NSMCE1: variants seen among roughly 807,000 people sequenced by gnomAD.
NSMCE1 encodes non-structural maintenance of chromosomes element 1 homolog.
Under a neutral mutation model 29.6 loss-of-function variants are expected in NSMCE1, and 18 were observed. The ratio of observed to expected loss-of-function variants is 0.61; its 90% CI spans 0.42 to 0.90. The LOEUF is 0.90. NSMCE1 is among the 40% of genes least tolerant of loss of function. The probability of loss-of-function intolerance (pLI) is 0.00; values close to 1 mark genes in which losing one functional copy is unlikely to be tolerated. For synonymous variants in NSMCE1, 124 were observed against 133.4 expected, an observed-to-expected ratio of 0.93 and a Z score of 0.49; for missense variants, 314 against 343.6, an observed-to-expected ratio of 0.91 and a Z score of 0.68.
At chr16:27,225,316 C>T (rs1596665666) in intron 7 of NSMCE1, 80 bp from the exon 8 acceptor site, 2 of 832,528 alleles carry the variant, frequency 2.4e-6, no homozygotes, top group African/African-American at 1.7e-5. Flanking sequence ...CCAGCAGCTA[C>T]GTCTCCTGTG....
chr16:27,239,325 C>G (rs1448459624), intron 2 of NSMCE1, among the ~76,000 whole-genome samples: 2 of 152,338 alleles, frequency 1.3e-5, no homozygotes, highest in East Asian at 3.9e-4. Flanking sequence ...CCCCTGGTCT[C>G]TCCCCTGATC....
chr16:27,236,154 G>C (rs1241117951), intron 2 of NSMCE1, among the ~76,000 whole-genome samples: 1 of 152,188 alleles, frequency 6.6e-6, no homozygotes, highest in Non-Finnish European at 1.5e-5. Context: ...CAGCTGAGGA[G>C]GACAGAGAGG....
At chr16:27,245,810 G>A (rs371749603) in intron 2 of NSMCE1, among the ~76,000 whole-genome samples, 3 of 152,194 alleles carry the variant, frequency 2.0e-5, no homozygotes, top group African/African-American at 7.2e-5. Context: ...GGCTCTGACA[G>A]TGGTATGCTG....
intron 5 of NSMCE1, among the ~76,000 whole-genome samples, chr16:27,229,090 G>A (rs551670010): frequency 9.2e-5 from 14 of 152,236 alleles, no homozygotes; most frequent in South Asian, 6.2e-4. Flanking sequence ...CCTAATACGC[G>A]TATCTCCCGG....
chr16:27,234,067 G>A, intron 4 of NSMCE1, 121 bp downstream of exon 4: 2 of 708,722 alleles, frequency 2.8e-6, no homozygotes, highest in South Asian at 1.6e-5. Context: ...TTCTCAGACA[G>A]CAATGGTGGC....
At chr16:27,242,705 A>C (rs2083907852) in intron 2 of NSMCE1, among the ~76,000 whole-genome samples, 1 of 152,184 alleles carries the variant, frequency 6.6e-6, no homozygotes, top group Admixed American at 6.5e-5. Flanking sequence ...GAGAAACATA[A>C]ACTACTATAT....
Position 27,264,454 on chromosome 16 carries a change from A to G in NSMCE1, c.-12+4252T>C, listed in dbSNP as rs116513103. On this transcript the variant is annotated intron_variant, in intron 1 of 7. Transcript: ENST00000361439. ...GTGGTAATGGTACAGAGATAGACAA[A>G]TAAGACCAATCAATGGAACAGAACA... is the stretch of plus-strand genomic sequence containing the variant. 3.6e-3 allele frequency among the ~76,000 whole-genome samples: 544 copies of G among 152,326 alleles called. 3 individuals carry two copies. The highest frequency in any genetic ancestry group is 0.012 in the African/African-American group (511 of 41,570).
intron 5 of NSMCE1, among the ~76,000 whole-genome samples, chr16:27,228,409 G>A (rs1181617854): frequency 6.6e-6 from 1 of 151,974 alleles, no homozygotes. Flanking sequence ...GGCTGTCCTC[G>A]GTCCTCAGTC....
intron 2 of NSMCE1, among the ~76,000 whole-genome samples, chr16:27,235,581 C>T (rs746437390): frequency 1.3e-5 from 2 of 152,170 alleles, no homozygotes; most frequent in Non-Finnish European, 2.9e-5. Flanking sequence ...TGTCTTTGCT[C>T]GCTGCCTCCT....
chr16:27,246,489 T>C (rs74815164), intron 2 of NSMCE1, among the ~76,000 whole-genome samples: 3,247 of 152,160 alleles, frequency 0.021, 114 homozygotes, highest in African/African-American at 0.073. Flanking sequence ...AAAAATGGGA[T>C]GAAGAGTGGG....
intron 1 of NSMCE1, among the ~76,000 whole-genome samples, chr16:27,265,443 C>A (rs921557137): frequency 1.3e-5 from 2 of 152,126 alleles, no homozygotes; most frequent in Non-Finnish European, 2.9e-5. Flanking sequence ...GCTGGGATTA[C>A]AGGTGTGAGC....
intron 2 of NSMCE1, among the ~76,000 whole-genome samples, chr16:27,244,234 C>T (rs1230142556): frequency 1.3e-5 from 2 of 152,260 alleles, no homozygotes; most frequent in African/African-American, 2.4e-5. Flanking sequence ...CACACTTTAT[C>T]CGTGGAGGAC....
intron 2 of NSMCE1, among the ~76,000 whole-genome samples, chr16:27,239,717 C>G (rs371565146): frequency 1.8e-4 from 27 of 152,178 alleles, no homozygotes; most frequent in African/African-American, 5.3e-4. Flanking sequence ...GGAACGAGGC[C>G]CTGGCCCTAG....
In NSMCE1 at chr16:27,232,349, C is replaced by T. The variant is rs114608837; in HGVS notation, c.483+652G>A. 2.5e-3 allele frequency among the ~76,000 whole-genome samples: 385 copies of T among 152,290 alleles called. 4 individuals carry two copies. The highest frequency in any genetic ancestry group is 8.9e-3 in the African/African-American group (369 of 41,568). ...TTCTGCTCCATTCAGCAGGACTAGA[C>T]GTGGGGGTGGGGGCAACATCTAGAA... On this transcript the variant is annotated intron_variant, in intron 5 of 7. Transcript: ENST00000361439. The surrounding 1 kb of genome is among the most constrained non-coding windows in gnomAD (Gnocchi z 4.5).
intron 2 of NSMCE1, among the ~76,000 whole-genome samples, chr16:27,238,334 T>C (rs1204084597): frequency 6.6e-6 from 1 of 152,128 alleles, no homozygotes; most frequent in Non-Finnish European, 1.5e-5. Flanking sequence ...GACCCCAGCC[T>C]CCTGATCCTC....
chr16:27,239,810 A>G (rs1208432740), intron 2 of NSMCE1, among the ~76,000 whole-genome samples: 1 of 152,218 alleles, frequency 6.6e-6, no homozygotes, highest in East Asian at 1.9e-4. Context: ...TTGAACCTCT[A>G]AACCTCTAAA....
chr16:27,243,534 C>T (rs76780921), intron 2 of NSMCE1, among the ~76,000 whole-genome samples: 3,242 of 152,288 alleles, frequency 0.021, 114 homozygotes, highest in African/African-American at 0.073. Flanking sequence ...CACCTCTAAG[C>T]CAGACCTGCA....
At chr16:27,244,265 G>A (rs374649784) in intron 2 of NSMCE1, among the ~76,000 whole-genome samples, 117 of 152,344 alleles carry the variant, frequency 7.7e-4, no homozygotes, top group Non-Finnish European at 4.0e-4. Flanking sequence ...GCCCATTCTG[G>A]GCTAAGCAGG....
intron 2 of NSMCE1, among the ~76,000 whole-genome samples, chr16:27,239,315 C>A (rs1413826521): frequency 6.6e-6 from 1 of 152,206 alleles, no homozygotes; most frequent in African/African-American, 2.4e-5. Flanking sequence ...CACAGCTCTG[C>A]CCCTGGTCTC....
Sources: allele counts gnomAD v4.1 joint callset (sites outside exome capture counted in the v4.1 genomes callset), GRCh38; gene constraint gnomAD v4.1.1; non-coding constraint Gnocchi (gnomAD v3.1); transcripts MANE v1.5; gene names NCBI Gene and HGNC (gene_info 2026-07-23, HGNC 2026-07-21).